The following RIMS2 variants were observed in gnomAD, a reference collection of about 807,000 sequenced individuals.
RIMS2 encodes regulating synaptic membrane exocytosis protein 2.
In RIMS2, 59 loss-of-function variants were observed where a neutral mutation model predicts 174.4. The ratio of observed to expected loss-of-function variants is 0.34; its 90% CI spans 0.27 to 0.42. The LOEUF is 0.42. Among genes scored for constraint, RIMS2 ranks in the 10% least tolerant of loss-of-function variants. The pLI, the probability that RIMS2 is intolerant of heterozygous loss-of-function variation, is 1.00. For missense variants in RIMS2, 1,620 were observed against 1,666.3 expected (o/e 0.97, Z 0.48); for synonymous variants, 606 against 572.5 (o/e 1.06, Z -0.84).
At chr8:103,814,190 T>G (rs1004904241) in intron 3 of RIMS2, among the ~76,000 whole-genome samples, 3 of 152,104 alleles carry the variant, frequency 2.0e-5, no homozygotes, top group Non-Finnish European at 4.4e-5. Context: ...AAATGGGAGC[T>G]ACATGATGAG....
At chr8:104,170,621 G>T (rs1432097960) in intron 19 of RIMS2, among the ~76,000 whole-genome samples, 2 of 151,910 alleles carry the variant, frequency 1.3e-5, no homozygotes, top group East Asian at 3.9e-4. Context: ...CTACCATTCT[G>T]TATCTTTTAA....
chr8:104,043,748 G>C (rs2096647859), intron 19 of RIMS2, among the ~76,000 whole-genome samples: 1 of 151,614 alleles, frequency 6.6e-6, no homozygotes, highest in Non-Finnish European at 1.5e-5. Flanking sequence ...TACAATGTTT[G>C]TTTCAAGGAG....
chr8:103,718,074 A>G (rs1304975279), intron 2 of RIMS2, among the ~76,000 whole-genome samples: 2 of 152,242 alleles, frequency 1.3e-5, no homozygotes, highest in Non-Finnish European at 2.9e-5. Flanking sequence ...AATATGATGT[A>G]TATTCTAGCA....
At chr8:103,941,326 A>G (rs921332879) in intron 13 of RIMS2, among the ~76,000 whole-genome samples, 1 of 151,932 alleles carries the variant, frequency 6.6e-6, no homozygotes, top group Admixed American at 6.6e-5. Flanking sequence ...CTAAAAATAA[A>G]TAAAAAAAGA....
At chr8:103,602,795 T>C (rs2094824918) in intron 1 of RIMS2, among the ~76,000 whole-genome samples, 1 of 152,268 alleles carries the variant, frequency 6.6e-6, no homozygotes, top group South Asian at 2.1e-4. Context: ...GGTAGAGGAA[T>C]TTATATTAAT....
chr8:104,190,440 C>T (rs1421171850), intron 19 of RIMS2, among the ~76,000 whole-genome samples: 1 of 152,040 alleles, frequency 6.6e-6, no homozygotes, highest in African/African-American at 2.4e-5. Flanking sequence ...ATCCAAAGGT[C>T]TAGTTCTACG....
intron 19 of RIMS2, among the ~76,000 whole-genome samples, chr8:104,082,273 G>C (rs1222977811): frequency 6.6e-6 from 1 of 152,034 alleles, no homozygotes; most frequent in Non-Finnish European, 1.5e-5. Context: ...AGGAAGGCAG[G>C]CTAGCATATC....
At chr8:104,017,276 T>G (rs971783328) in intron 19 of RIMS2, among the ~76,000 whole-genome samples, 2 of 151,924 alleles carry the variant, frequency 1.3e-5, no homozygotes, top group African/African-American at 2.4e-5. Context: ...AAGTTAATTA[T>G]GAGAAGTTGT....
intron 6 of RIMS2, among the ~76,000 whole-genome samples, chr8:103,913,392 C>A (rs954092827): frequency 6.6e-6 from 1 of 151,970 alleles, no homozygotes; most frequent in Admixed American, 6.6e-5. Flanking sequence ...TGTGATCACA[C>A]CACTGAATTC....
chr8:103,577,951 G>A (rs971638033), intron 1 of RIMS2, among the ~76,000 whole-genome samples: 1 of 151,992 alleles, frequency 6.6e-6, no homozygotes, highest in Non-Finnish European at 1.5e-5. Flanking sequence ...AATTTAAAAG[G>A]AATGAAGATC....
chr8:103,901,310 T>C (rs1191218513), intron 4 of RIMS2, among the ~76,000 whole-genome samples: 2 of 152,150 alleles, frequency 1.3e-5, no homozygotes, highest in Non-Finnish European at 2.9e-5. Flanking sequence ...TCAGGGGATC[T>C]AGTTTTAGGA....
chr8:103,886,721 T>C (rs920583190), intron 4 of RIMS2, among the ~76,000 whole-genome samples: 3 of 151,828 alleles, frequency 2.0e-5, no homozygotes, highest in Non-Finnish European at 2.9e-5. Context: ...ATTTATAAAA[T>C]TGATATCATG....
chr8:103,885,751 T>C (rs763576612), exon 4 of RIMS2: 18 of 1,612,932 alleles, frequency 1.1e-5, no homozygotes, highest in Non-Finnish European at 1.4e-5. Flanking sequence ...CCAGGATTTC[T>C]ATGCTAAGGA....
exon 9 of RIMS2, chr8:103,918,478 C>G: frequency 6.2e-7 from 1 of 1,604,626 alleles, no homozygotes; most frequent in Non-Finnish European, 8.5e-7. Context: ...ACATGCACAA[C>G]TGGAGTCCAG....
intron 19 of RIMS2, among the ~76,000 whole-genome samples, chr8:104,241,538 G>C (rs1350455668): frequency 6.6e-6 from 1 of 152,070 alleles, no homozygotes; most frequent in African/African-American, 2.4e-5. Context: ...CATTGCAGAG[G>C]CTGTGTTCTG....
At chr8:103,918,461 A>T (rs1389803091) in exon 9 of RIMS2, 6 of 1,603,254 alleles carry the variant, frequency 3.7e-6, no homozygotes, top group East Asian at 2.2e-5. Flanking sequence ...CGAATACCTG[A>T]TAGCACACAT....
intron 4 of RIMS2, among the ~76,000 whole-genome samples, chr8:103,897,045 A>G (rs2099285643): frequency 6.6e-6 from 1 of 151,672 alleles, no homozygotes; most frequent in Admixed American, 6.6e-5. Context: ...AAGGGCTTTA[A>G]AGCATGATAC....
intron 19 of RIMS2, among the ~76,000 whole-genome samples, chr8:104,241,069 C>T (rs1453323462): frequency 4.6e-5 from 7 of 152,154 alleles, no homozygotes; most frequent in African/African-American, 1.4e-4. Context: ...AGTTTGATCC[C>T]AGGGCCTGAC....
chr8:103,542,215 T>C (rs1842866500), intron 1 of RIMS2, among the ~76,000 whole-genome samples: 1 of 152,132 alleles, frequency 6.6e-6, no homozygotes, highest in Non-Finnish European at 1.5e-5. Context: ...TGAATAACTA[T>C]ACACCAAAAA....
Sources: allele counts gnomAD v4.1 joint callset (sites outside exome capture counted in the v4.1 genomes callset), GRCh38; gene constraint gnomAD v4.1.1; transcripts MANE v1.5; gene names NCBI Gene and HGNC (gene_info 2026-07-23, HGNC 2026-07-21).